Variants in IL17D observed in about 807,000 individuals in gnomAD.
The protein encoded by IL17D is interleukin 17D, also known as interleukin-17D.
Under a neutral mutation model 5.7 loss-of-function variants are expected in IL17D, and 10 were observed. The observed-to-expected ratio is 1.75, with a 90% CI of 1.08 to 2.97. The LOEUF is 2.97. IL17D is among the 30% of genes most tolerant of loss of function. The pLI, the probability that IL17D is intolerant of heterozygous loss-of-function variation, is 0.00. For missense variants in IL17D, 354 were observed against 292.7 expected (o/e 1.21, Z -1.53); for synonymous variants, 172 against 141.7 (o/e 1.21, Z -1.52).
chr13:20,721,974 G>A lies in IL17D; in HGVS notation c.*20G>A. 1 of 1,553,848 alleles carries A rather than the reference G, an allele frequency of 6.4e-7. No individual in the cohort carries two copies. Among genetic ancestry groups the A allele is most frequent in the Middle Eastern group, 1.7e-4 (1 of 5,752 alleles). On this transcript the variant is annotated 3_prime_UTR_variant, in exon 2 of 2. Transcript: ENST00000682841. ...CCCTGAGGCCGGTCCTGCCCCGGGA[G>A]GTCTCCCCGGCCCGCATCCCGAGGC...
chr13:20,715,579 C>T (rs2058673039), intron 1 of IL17D, among the ~76,000 whole-genome samples: 1 of 152,190 alleles, frequency 6.6e-6, no homozygotes, highest in African/African-American at 2.4e-5. Flanking sequence ...TCATTTGAAT[C>T]AGTGACTCCC....
At chr13:20,719,392 C>G (rs1423089447) in intron 1 of IL17D, among the ~76,000 whole-genome samples, 1 of 150,576 alleles carries the variant, frequency 6.6e-6, no homozygotes. Context: ...CATCTGCCCA[C>G]ACACCTGCCC....
At chr13:20,708,691 C>T (rs1480815210) in intron 1 of IL17D, among the ~76,000 whole-genome samples, 3 of 151,836 alleles carry the variant, frequency 2.0e-5, no homozygotes, top group Admixed American at 6.6e-5. Context: ...AGAGCTCCCA[C>T]AAATCAGTAA....
chr13:20,706,741 C>G (rs2058594617), intron 1 of IL17D, among the ~76,000 whole-genome samples: 1 of 152,184 alleles, frequency 6.6e-6, no homozygotes, highest in Non-Finnish European at 1.5e-5. Context: ...ATTGAGTTGC[C>G]CTTGCTACAG....
In IL17D at chr13:20,716,210, G is replaced by A. The variant is rs867366341; in HGVS notation, c.291-5426G>A. ...ATGTCCCTCAGTGTCCCCAGAGGAC[G>A]GCGGATGTCTTGGTATTACCATGGT... On this transcript the variant is annotated intron_variant, in intron 1 of 1. Transcript: ENST00000682841. This position sits in a 1 kb window ranked among gnomAD's most constrained non-coding sequence, Gnocchi z 4.2. 1.3e-5 allele frequency: 6 copies of A among 452,434 alleles called. No individual in the cohort carries two copies. The highest frequency in any genetic ancestry group is 2.1e-5 in the African/African-American group (1 of 46,946). 28.0% of individuals were successfully genotyped at this position (452,434 alleles called of 1,614,324 possible).
intron 1 of IL17D, among the ~76,000 whole-genome samples, chr13:20,709,232 A>G (rs539772745): frequency 1.4e-4 from 21 of 151,420 alleles, no homozygotes; most frequent in African/African-American, 4.4e-4. Context: ...GGTATGAATC[A>G]GCACAGCTTT....
At position 20,722,195 on chromosome 13, in the gene IL17D, C is replaced by G; in HGVS notation, c.*241C>G. ...GAAGCTGATGGGAAACGACCCGGCA[C>G]GGGCATCCTGTGTGCGGCCCGCATG... On this transcript the variant is annotated 3_prime_UTR_variant, in exon 2 of 2. Coordinates refer to ENST00000682841, the MANE Select transcript of IL17D (RefSeq NM_001385224.1). 1 of 512,684 alleles carries G rather than the reference C, an allele frequency of 2.0e-6. No homozygotes were observed. Among genetic ancestry groups the G allele is most frequent in the African/African-American group, 2.0e-5 (1 of 49,670 alleles). The allele number at this position is 512,684 out of a possible 1,614,324, so 31.8% of individuals were successfully genotyped here. A position where few individuals can be genotyped will look rare whatever the true frequency, so the allele number is the denominator to read the frequency against.
rs2058746191 is a variant in IL17D, at chr13:20,722,623, CT to C, written c.*671del. 6.6e-6 allele frequency: 1 copy of C among 152,202 alleles called. No individual in the cohort carries two copies. The highest frequency in any genetic ancestry group is 6.5e-5 in the Admixed American group (1 of 15,280). 9.4% of individuals were successfully genotyped at this position (152,202 alleles called of 1,614,324 possible). A position where few individuals can be genotyped will look rare whatever the true frequency, so the allele number is the denominator to read the frequency against. ...ATGGACACGTCTCATCTGACCCACT[CT>C]TCCTTCCACTGAAGGTCTTCACGGG... is the stretch of plus-strand genomic sequence containing the variant. On this transcript the variant is annotated 3_prime_UTR_variant, in exon 2 of 2. Transcript: ENST00000682841.
intron 1 of IL17D, among the ~76,000 whole-genome samples, chr13:20,705,568 G>A (rs1197015304): frequency 1.3e-5 from 2 of 152,174 alleles, no homozygotes; most frequent in African/African-American, 2.4e-5. Context: ...GTGGTGGCAC[G>A]TGCCTGTGGT....
At chr13:20,702,142 C>A (rs2058551370), upstream of IL17D, 1 of 152,130 alleles carries the variant, frequency 6.6e-6, no homozygotes, top group Non-Finnish European at 1.5e-5. Context: ...GTACTGAAAC[C>A]TTTATTCCCA....
chr13:20,705,673 C>G (rs1338917481), intron 1 of IL17D, among the ~76,000 whole-genome samples: 1 of 151,990 alleles, frequency 6.6e-6, no homozygotes, highest in Non-Finnish European at 1.5e-5. Context: ...TTCCAACCTG[C>G]GTGACAAAGC....
At chr13:20,710,113 C>T (rs2058622777) in intron 1 of IL17D, among the ~76,000 whole-genome samples, 1 of 152,194 alleles carries the variant, frequency 6.6e-6, no homozygotes, top group African/African-American at 2.4e-5. Flanking sequence ...AAACAACATT[C>T]AGCTTCCAGA....
In IL17D at chr13:20,704,306, C is replaced by T; in HGVS notation, c.290+15C>T. 9.8e-7 allele frequency: 1 copy of T among 1,022,790 alleles called. No individual in the cohort carries two copies. The allele number at this position is 1,022,790 out of a possible 1,614,324, so 63.4% of individuals were successfully genotyped here. A position where few individuals can be genotyped will look rare whatever the true frequency, so the allele number is the denominator to read the frequency against. On this transcript the variant is annotated intron_variant, in intron 1 of 1. Coordinates refer to ENST00000682841, the MANE Select transcript of IL17D (RefSeq NM_001385224.1). ...TGGGCCTACAGGTGAGCCGCGGGCG[C>T]GTCCTGGCGGGGCCCGGCAGGTGGG...
At chr13:20,704,903 T>C (rs188826029) in intron 1 of IL17D, among the ~76,000 whole-genome samples, 141 of 152,200 alleles carry the variant, frequency 9.3e-4, no homozygotes, top group Middle Eastern at 3.4e-3. Flanking sequence ...TCTAGTTTAA[T>C]AGCCTAAGGA....
At chr13:20,719,272 CACACCTGCCCACGCTCAG>C (rs367892986) in intron 1 of IL17D, among the ~76,000 whole-genome samples, 7 of 151,092 alleles carry the variant, frequency 4.6e-5, no homozygotes, top group African/African-American at 1.5e-4. Context: ...CACACACCCC[CACACCTGCCCACGCTCAG>C]ACACCTGCCC....
intron 1 of IL17D, among the ~76,000 whole-genome samples, chr13:20,709,965 G>A (rs903647053): frequency 6.6e-6 from 1 of 152,118 alleles, no homozygotes; most frequent in African/African-American, 2.4e-5. Flanking sequence ...TGGCTGGTTT[G>A]TGCTCCTGGT....
At chr13:20,704,516 G>T (rs2058575431) in intron 1 of IL17D, among the ~76,000 whole-genome samples, 1 of 143,230 alleles carries the variant, frequency 7.0e-6, no homozygotes, top group Non-Finnish European at 1.5e-5. Context: ...ACGGTAGGGT[G>T]GGGTGGGGTG....
At chr13:20,702,948 C>G (rs550318929), upstream of IL17D, 13 of 152,394 alleles carry the variant, frequency 8.5e-5, no homozygotes, top group East Asian at 2.3e-3. Context: ...GAGCGCATTC[C>G]TCTTCCAGGG....
chr13:20,717,599 T>G (rs1038101445), intron 1 of IL17D, among the ~76,000 whole-genome samples: 3 of 152,194 alleles, frequency 2.0e-5, no homozygotes, highest in East Asian at 1.9e-4. Flanking sequence ...TCTTTCTGCT[T>G]CTCTGGGACT....
Sources: gnomAD v4.1 joint callset for allele counts (sites outside exome capture counted in the v4.1 genomes callset) on GRCh38, gnomAD v4.1.1 for gene constraint, Gnocchi (gnomAD v3.1) non-coding constraint, MANE v1.5 for transcripts, NCBI Gene and HGNC (gene_info 2026-07-23, HGNC 2026-07-21) for gene names.